The following ADCY2 variants were observed in gnomAD, a reference collection of about 807,000 sequenced individuals.
ADCY2 encodes adenylate cyclase 2, also known as adenylate cyclase type 2.
ADCY2 carries 31 observed loss-of-function variants against 125.2 expected under a neutral mutation model. That is an observed-to-expected ratio of 0.25 (90% CI 0.19 to 0.33). The LOEUF is 0.33. Among genes scored for constraint, ADCY2 ranks in the 10% least tolerant of loss-of-function variants. The pLI is 1.00. For missense variants in ADCY2, 904 were observed against 1,418.2 expected, an observed-to-expected ratio of 0.64 and a Z score of 5.82; for synonymous variants, 512 against 548.4, an observed-to-expected ratio of 0.93 and a Z score of 0.93.
intron 2 of ADCY2, among the ~76,000 whole-genome samples, chr5:7,465,269 G>A (rs1742072726): frequency 6.6e-6 from 1 of 152,162 alleles, no homozygotes; most frequent in Non-Finnish European, 1.5e-5. Flanking sequence ...ATGTCAGCTG[G>A]AGGTCTGTAG....
rs115479399 is a variant in ADCY2, at chr5:7,486,328, A to G, written c.409-34410A>G. On this transcript the variant is annotated intron_variant, in intron 2 of 24. Coordinates refer to ENST00000338316, the MANE Select transcript of ADCY2 (RefSeq NM_020546.3). ...TATACACACAGGAGTTAACATGCAC[A>G]CACATAAATATGTACATACACGTAT... is the stretch of plus-strand genomic sequence containing the variant. Among the ~76,000 whole-genome samples, 1,167 of 152,370 alleles carry G rather than the reference A, an allele frequency of 7.7e-3. 8 individuals are homozygous for G. Among genetic ancestry groups the G allele is most frequent in the African/African-American group, 0.027 (1,130 of 41,580 alleles).
chr5:7,738,610 T>C (rs1211787450), intron 14 of ADCY2, among the ~76,000 whole-genome samples: 1 of 151,976 alleles, frequency 6.6e-6, no homozygotes, highest in Non-Finnish European at 1.5e-5. Context: ...AAGGAAAGTA[T>C]GACCAAGCCA....
intron 4 of ADCY2, among the ~76,000 whole-genome samples, chr5:7,688,434 A>ATT (rs56951721): frequency 1.3e-5 from 2 of 151,020 alleles, no homozygotes; most frequent in Middle Eastern, 3.5e-3. Flanking sequence ...TGCCCAGCTA[A>ATT]TTTTTTTTAT....
intron 12 of ADCY2, among the ~76,000 whole-genome samples, chr5:7,717,549 G>A (rs7731801): frequency 0.45 from 68,223 of 151,978 alleles, 17,175 homozygotes; most frequent in Non-Finnish European, 0.58. Context: ...ATTCTATATG[G>A]GAAAACCTTC....
chr5:7,500,067 A>C (rs1743506094), intron 2 of ADCY2, among the ~76,000 whole-genome samples: 1 of 152,012 alleles, frequency 6.6e-6, no homozygotes, highest in South Asian at 2.1e-4. Context: ...TTATTGTGGG[A>C]TTATTTGTGT....
chr5:7,489,216 G>A (rs777993553), intron 2 of ADCY2, among the ~76,000 whole-genome samples: 2 of 152,142 alleles, frequency 1.3e-5, no homozygotes, highest in Non-Finnish European at 2.9e-5. Context: ...CCTGTTAGCA[G>A]AGTTCTCACA....
chr5:7,632,052 T>A (rs1738328610), intron 4 of ADCY2, among the ~76,000 whole-genome samples: 1 of 152,138 alleles, frequency 6.6e-6, no homozygotes, highest in Admixed American at 6.5e-5. Flanking sequence ...AGCTGGACAT[T>A]AATAGTGTGA....
chr5:7,449,310 G>A (rs964094004), intron 2 of ADCY2, among the ~76,000 whole-genome samples: 3 of 152,122 alleles, frequency 2.0e-5, no homozygotes, highest in African/African-American at 7.2e-5. Flanking sequence ...TTTAAGAAAT[G>A]TTGTCCCCCA....
At chr5:7,799,258 A>C (rs1169566960) in intron 20 of ADCY2, 2 of 152,364 alleles carry the variant, frequency 1.3e-5, no homozygotes, top group East Asian at 3.8e-4. Context: ...CTGGAAGTCT[A>C]AGACAATCTC....
Position 7,396,397 on chromosome 5 carries a change from A to G in ADCY2, c.101A>G (p.Tyr34Cys). Reference sequence around the variant, plus strand: ...CTGCCGCGGTCCCGGGACTGGCTCTACGAGTCCTACTACTGCATGAGCCAG... The same window carrying G: ...CTGCCGCGGTCCCGGGACTGGCTCTGCGAGTCCTACTACTGCATGAGCCAG... ...DGLPRSRDWL[Y>C]ESYYCMSQQH... is the part of the protein sequence containing the mutation. The change falls in exon 1 of 25, where the codon TAC becomes TGC. Residue 34 changes from tyrosine (Y) to cysteine (C), a missense_variant. Coordinates refer to ENST00000338316, the MANE Select transcript of ADCY2 (RefSeq NM_020546.3). This position sits in a 1 kb window ranked among gnomAD's most constrained non-coding sequence, Gnocchi z 5.7. 6.4e-7 allele frequency: 1 copy of G among 1,571,082 alleles called. No homozygotes were observed. The highest frequency in any genetic ancestry group is 8.6e-7 in the Non-Finnish European group (1 of 1,159,652).
chr5:7,815,130 G>A (rs569988455), intron 22 of ADCY2, among the ~76,000 whole-genome samples: 62 of 152,274 alleles, frequency 4.1e-4, no homozygotes, highest in African/African-American at 1.4e-3. Flanking sequence ...TAACCAGTCC[G>A]TGTCTGCATT....
intron 2 of ADCY2, among the ~76,000 whole-genome samples, chr5:7,481,329 C>T (rs995190383): frequency 2.0e-5 from 3 of 152,238 alleles, no homozygotes; most frequent in South Asian, 2.1e-4. Context: ...TGCAGTGGCA[C>T]GATCTCGGCT....
chr5:7,562,183 C>T (rs1735729711), intron 3 of ADCY2, among the ~76,000 whole-genome samples: 1 of 151,926 alleles, frequency 6.6e-6, no homozygotes, highest in African/African-American at 2.4e-5. Flanking sequence ...ACTAGTTGAA[C>T]TTTTAGTAAT....
intron 1 of ADCY2, among the ~76,000 whole-genome samples, chr5:7,407,450 G>A (rs1739538990): frequency 6.6e-6 from 1 of 152,114 alleles, no homozygotes; most frequent in African/African-American, 2.4e-5. Flanking sequence ...GGGGAAGCAA[G>A]GCATGTCTTC....
intron 3 of ADCY2, among the ~76,000 whole-genome samples, chr5:7,579,438 G>C (rs1430586823): frequency 6.6e-6 from 1 of 152,010 alleles, no homozygotes; most frequent in Non-Finnish European, 1.5e-5. Flanking sequence ...CAGAGACAGA[G>C]AGAGAGAGAG....
At chr5:7,821,317 T>C (rs968615477) in intron 24 of ADCY2, among the ~76,000 whole-genome samples, 4 of 152,234 alleles carry the variant, frequency 2.6e-5, no homozygotes, top group African/African-American at 7.2e-5. Context: ...AATAATATTG[T>C]ATTTTTAAAA....
chr5:7,709,387 G>A lies in ADCY2; in HGVS notation c.1578G>A (p.Thr526=). The part of the protein sequence containing the change: ...MTTENGKIST[T]DVPMGQHNFQ... ...CAGAGAACGGCAAGATCAGCACCAC[G>A]GTATGCCCTCCCCTGCCTCCAATGC... is the stretch of plus-strand genomic sequence containing the variant. Residue 526 remains threonine (T), a splice_region_variant and synonymous_variant, in exon 10 of 25, where the codon ACG becomes ACA. Coordinates refer to ENST00000338316, the MANE Select transcript of ADCY2 (RefSeq NM_020546.3). This position sits in a 1 kb window ranked among gnomAD's most constrained non-coding sequence, Gnocchi z 4.4. 3.1e-6 allele frequency: 5 copies of A among 1,587,438 alleles called. No homozygotes were observed. Among genetic ancestry groups the A allele is most frequent in the Non-Finnish European group, 4.3e-6 (5 of 1,166,842 alleles).
At chr5:7,479,015 C>A (rs370320565) in intron 2 of ADCY2, among the ~76,000 whole-genome samples, 2 of 151,804 alleles carry the variant, frequency 1.3e-5, no homozygotes, top group South Asian at 2.1e-4. Context: ...TAACTTTTTT[C>A]GCTCATATTA....
Position 7,765,645 on chromosome 5 carries a change from G to T in ADCY2, c.2095-1042G>T, listed in dbSNP as rs973468595. Among the ~76,000 whole-genome samples, 3 of 152,272 alleles carry T rather than the reference G, an allele frequency of 2.0e-5. No homozygotes were observed. The East Asian group carries it at 5.8e-4, about 29-fold the overall frequency. On this transcript the variant is annotated intron_variant, in intron 16 of 24. Transcript: ENST00000338316. ...AGTTTAGGTATTTGACAAGAACTAT[G>T]CAATCCAGAGAAATAACTCCACAGA...
Sources: gnomAD v4.1 joint callset for allele counts (sites outside exome capture counted in the v4.1 genomes callset) on GRCh38, gnomAD v4.1.1 for gene constraint, Gnocchi (gnomAD v3.1) non-coding constraint, MANE v1.5 for transcripts, NCBI Gene and HGNC (gene_info 2026-07-23, HGNC 2026-07-21) for gene names.